The following TAFA1 variants were observed in gnomAD, a reference collection of about 807,000 sequenced individuals.
TAFA1 encodes the protein TAFA chemokine like family member 1.
TAFA1 carries 4 observed loss-of-function variants against 18.5 expected under a neutral mutation model. That is an observed-to-expected ratio of 0.22 (90% CI 0.11 to 0.49). The LOEUF (loss-of-function observed/expected upper bound fraction) is 0.49. Ranked by LOEUF, TAFA1 falls within the 20% of genes least tolerant of loss-of-function variation. The pLI is 0.98. For missense variants in TAFA1, 147 were observed against 169.0 expected (o/e 0.87, Z 0.72); for synonymous variants, 56 against 55.2 (o/e 1.01, Z -0.06).
rs192756140 is a variant in TAFA1, at chr3:68,227,022, T to C, written c.119-190258T>C. Reference sequence around the variant, plus strand: ...AGAAGCTGATTTGGCCTCTGTCCTCTAGAGAACATTTACTATTATAAGGGA... The same window carrying C: ...AGAAGCTGATTTGGCCTCTGTCCTCCAGAGAACATTTACTATTATAAGGGA... On this transcript the variant is annotated intron_variant, in intron 2 of 4. Coordinates refer to ENST00000478136, the MANE Select transcript of TAFA1 (RefSeq NM_213609.4). 3.9e-5 allele frequency among the ~76,000 whole-genome samples: 6 copies of C among 152,306 alleles called. No individual in the cohort carries two copies. The East Asian group carries it at 1.2e-3, about 29-fold the overall frequency.
At chr3:68,040,417 G>A (rs1296883376) in intron 2 of TAFA1, among the ~76,000 whole-genome samples, 1 of 152,044 alleles carries the variant, frequency 6.6e-6, no homozygotes, top group Non-Finnish European at 1.5e-5. Flanking sequence ...CTATAGGTGG[G>A]GTTCAACTGA....
At chr3:68,105,631 G>A (rs1477215641) in intron 2 of TAFA1, among the ~76,000 whole-genome samples, 2 of 152,094 alleles carry the variant, frequency 1.3e-5, no homozygotes, top group African/African-American at 2.4e-5. Context: ...ATTAAAATGG[G>A]AGAAGATAAA....
intron 3 of TAFA1, among the ~76,000 whole-genome samples, chr3:68,446,603 C>T (rs1207696671): frequency 2.0e-5 from 3 of 152,164 alleles, no homozygotes; most frequent in Non-Finnish European, 4.4e-5. Context: ...CCAGTTTATT[C>T]TAGATGGACA....
intron 2 of TAFA1, among the ~76,000 whole-genome samples, chr3:68,276,724 T>C (rs765969828): frequency 6.6e-6 from 1 of 152,204 alleles, no homozygotes; most frequent in Non-Finnish European, 1.5e-5. Context: ...ACCTCCTTTA[T>C]CATCCTGATG....
intron 3 of TAFA1, among the ~76,000 whole-genome samples, chr3:68,468,633 C>T (rs2071934183): frequency 6.6e-6 from 1 of 152,162 alleles, no homozygotes; most frequent in Non-Finnish European, 1.5e-5. Context: ...CCCAAGAGGG[C>T]TCTGAAATGA....
chr3:68,195,412 T>C (rs1379054515), intron 2 of TAFA1, among the ~76,000 whole-genome samples: 1 of 149,036 alleles, frequency 6.7e-6, no homozygotes, highest in African/African-American at 2.5e-5. Flanking sequence ...ATATAGGTGC[T>C]TATGATCATG....
At chr3:68,518,898 A>G (rs1013805506) in intron 3 of TAFA1, among the ~76,000 whole-genome samples, 3 of 152,230 alleles carry the variant, frequency 2.0e-5, no homozygotes, top group Non-Finnish European at 1.5e-5. Flanking sequence ...TTATTTGTCC[A>G]TAAAGCCTGC....
At chr3:68,348,226 T>C (rs935547654) in intron 2 of TAFA1, among the ~76,000 whole-genome samples, 2 of 152,168 alleles carry the variant, frequency 1.3e-5, no homozygotes, top group African/African-American at 4.8e-5. Context: ...AAATGAGACC[T>C]TGTAAAAATT....
At chr3:68,287,894 T>C (rs189011294) in intron 2 of TAFA1, among the ~76,000 whole-genome samples, 1 of 126,738 alleles carries the variant, frequency 7.9e-6, no homozygotes, top group Non-Finnish European at 1.6e-5. Flanking sequence ...AGGATTTTGC[T>C]TTTTGTTTTT....
At chr3:68,069,420 G>C (rs541590317) in intron 2 of TAFA1, among the ~76,000 whole-genome samples, 41 of 152,248 alleles carry the variant, frequency 2.7e-4, no homozygotes, top group African/African-American at 9.1e-4. Context: ...GGAAAGACCT[G>C]CTCCCATGAT....
At chr3:68,487,304 T>C (rs1052461635) in intron 3 of TAFA1, among the ~76,000 whole-genome samples, 1 of 152,192 alleles carries the variant, frequency 6.6e-6, no homozygotes, top group African/African-American at 2.4e-5. Flanking sequence ...CTTTTATTAT[T>C]TAAAAGCTCT....
chr3:68,300,482 T>C (rs1185419808), intron 2 of TAFA1, among the ~76,000 whole-genome samples: 1 of 152,130 alleles, frequency 6.6e-6, no homozygotes, highest in East Asian at 1.9e-4. Context: ...GATTCCTAGG[T>C]GGAAGGGAGA....
At chr3:68,268,857 T>A (rs923217372) in intron 2 of TAFA1, among the ~76,000 whole-genome samples, 1 of 152,154 alleles carries the variant, frequency 6.6e-6, no homozygotes, top group African/African-American at 2.4e-5. Context: ...TCAGAGTGGC[T>A]GACACAAACT....
At chr3:68,031,763 C>G (rs552351832) in intron 2 of TAFA1, among the ~76,000 whole-genome samples, 110 of 152,154 alleles carry the variant, frequency 7.2e-4, no homozygotes, top group Non-Finnish European at 1.2e-3. Context: ...CCAAAATAAC[C>G]CAGACATACA....
At chr3:68,301,601 G>A (rs2068303932) in intron 2 of TAFA1, among the ~76,000 whole-genome samples, 2 of 152,086 alleles carry the variant, frequency 1.3e-5, no homozygotes, top group Admixed American at 1.3e-4. Flanking sequence ...AAGTAAAGCA[G>A]AGCTAAAAGC....
the TAFA1 span, among the ~76,000 whole-genome samples, chr3:67,995,007 C>A: frequency 5.6e-4 from 70 of 125,024 alleles, no homozygotes; most frequent in African/African-American, 2.0e-3. Flanking sequence ...GCTTTGAACA[C>A]TTAAGTTTCA....
intron 3 of TAFA1, among the ~76,000 whole-genome samples, chr3:68,459,993 G>C (rs574062193): frequency 6.6e-6 from 1 of 152,176 alleles, no homozygotes; most frequent in South Asian, 2.1e-4. Context: ...GCCGTTTATT[G>C]AGGCTTGAGA....
intron 2 of TAFA1, among the ~76,000 whole-genome samples, chr3:68,112,984 C>G (rs1045461069): frequency 2.0e-5 from 3 of 152,026 alleles, no homozygotes; most frequent in Non-Finnish European, 4.4e-5. Flanking sequence ...CAATTATTCT[C>G]AAATTAATTT....
rs145505958 is a variant in TAFA1, at chr3:68,215,497, A to T, written c.119-201783A>T. Among the ~76,000 whole-genome samples the T allele has an allele frequency of 1.2e-3, 185 of 152,214 alleles. 1 individual carries two copies. The highest frequency in any genetic ancestry group is 4.2e-3 in the African/African-American group (174 of 41,568). ...TAAAGCATGACTCATGAAAGAAAATATCAATAAACTAGACTTCATTAAAAA... is the reference window on the plus strand; with the variant it reads ...TAAAGCATGACTCATGAAAGAAAATTTCAATAAACTAGACTTCATTAAAAA... On this transcript the variant is annotated intron_variant, in intron 2 of 4. Coordinates refer to ENST00000478136, the MANE Select transcript of TAFA1 (RefSeq NM_213609.4).
Sources: allele counts gnomAD v4.1 joint callset (sites outside exome capture counted in the v4.1 genomes callset), GRCh38; gene constraint gnomAD v4.1.1; transcripts MANE v1.5; gene names NCBI Gene and HGNC (gene_info 2026-07-23, HGNC 2026-07-21).